MROH9: variants seen among roughly 807,000 people sequenced by gnomAD.
MROH9 encodes maestro heat like repeat family member 9.
Under a neutral mutation model 98.2 loss-of-function variants are expected in MROH9, and 92 were observed. The observed-to-expected ratio is 0.94, with a 90% CI of 0.79 to 1.11. The LOEUF is 1.11. Ranked by LOEUF, MROH9 falls within the 50% of genes most tolerant of loss-of-function variation. The pLI is 0.00. For synonymous variants in MROH9, 397 were observed against 368.9 expected (o/e 1.08, Z -0.87); for missense variants, 1,057 against 1,014.8 (o/e 1.04, Z -0.57).
intron 16 of MROH9, chr1:171,015,189 G>T: frequency 2.6e-6 from 1 of 389,352 alleles, no homozygotes; most frequent in Admixed American, 3.0e-5. Context: ...GACACCCGTT[G>T]TGCATTTAGA....
At chr1:170,937,917 C>T (rs1648964057) in intron 1 of MROH9, among the ~76,000 whole-genome samples, 1 of 152,124 alleles carries the variant, frequency 6.6e-6, no homozygotes, top group Admixed American at 6.5e-5. Flanking sequence ...TCTTTACCTG[C>T]TAAAGTGATC....
At chr1:171,053,358 G>T (rs1653731174) in intron 20 of MROH9, among the ~76,000 whole-genome samples, 1 of 152,184 alleles carries the variant, frequency 6.6e-6, no homozygotes, top group African/African-American at 2.4e-5. Context: ...ATCTGTGATG[G>T]ATTCATCCTA....
At chr1:170,948,795 A>T (rs765514481) in intron 3 of MROH9, among the ~76,000 whole-genome samples, 7 of 152,102 alleles carry the variant, frequency 4.6e-5, no homozygotes, top group African/African-American at 1.2e-4. Context: ...TTGAAAGATG[A>T]GTAGAATGCC....
At chr1:171,055,108 C>A (rs1002577139) in intron 20 of MROH9, among the ~76,000 whole-genome samples, 2 of 151,102 alleles carry the variant, frequency 1.3e-5, no homozygotes, top group African/African-American at 4.9e-5. Context: ...ATAAAACTGG[C>A]CTAAATGTCC....
chr1:171,020,507 A>G (rs1046845327), intron 17 of MROH9, among the ~76,000 whole-genome samples: 3 of 152,244 alleles, frequency 2.0e-5, no homozygotes, highest in Admixed American at 1.3e-4. Flanking sequence ...AACCAATGAC[A>G]AAAACCACAT....
At chr1:171,060,709 C>T (rs1392493302) in intron 20 of MROH9, among the ~76,000 whole-genome samples, 1 of 151,994 alleles carries the variant, frequency 6.6e-6, no homozygotes, top group Non-Finnish European at 1.5e-5. Flanking sequence ...TATCTTGACC[C>T]CAACTTCATG....
chr1:171,034,653 G>C (rs1383562996), intron 20 of MROH9, among the ~76,000 whole-genome samples: 1 of 152,054 alleles, frequency 6.6e-6, no homozygotes, highest in Non-Finnish European at 1.5e-5. Context: ...TGATCAACAG[G>C]CTCAGTCCAA....
intron 3 of MROH9, among the ~76,000 whole-genome samples, chr1:170,949,437 C>T (rs993023641): frequency 4.6e-5 from 7 of 151,994 alleles, no homozygotes; most frequent in Admixed American, 1.3e-4. Flanking sequence ...AGTTCCTTTA[C>T]GCTTTGCTAA....
intron 20 of MROH9, among the ~76,000 whole-genome samples, chr1:171,040,716 G>A (rs1181793245): frequency 6.6e-6 from 1 of 152,038 alleles, no homozygotes. Context: ...CACAAAATGG[G>A]TGTGAGTAGT....
At chr1:170,952,990 T>A (rs1649614562) in intron 3 of MROH9, among the ~76,000 whole-genome samples, 1 of 152,080 alleles carries the variant, frequency 6.6e-6, no homozygotes, top group Non-Finnish European at 1.5e-5. Flanking sequence ...TTTTCAAAAA[T>A]GTATTAGCTA....
chr1:171,064,127 C>A lies in MROH9; in HGVS notation c.2373C>A (p.Asp791Glu), dbSNP rs916562577. 1.3e-6 allele frequency: 2 copies of A among 1,549,510 alleles called. No homozygotes were observed. Among genetic ancestry groups the A allele is most frequent in the Admixed American group, 4.0e-5 (2 of 50,488 alleles). ...DVIERLLRDE[D>E]PMIKQLAEIT... Reference sequence around the variant, plus strand: ...TTGAACGACTGCTCCGAGATGAAGACCCTATGATCAAACAGTTGGCTGAAA... The same window carrying A: ...TTGAACGACTGCTCCGAGATGAAGAACCTATGATCAAACAGTTGGCTGAAA... The change falls in exon 22 of 22, where the codon GAC (aspartate) becomes GAA (glutamate). Residue 791 changes from aspartate to glutamate, a missense_variant. Asp to Glu is a conservative substitution (Grantham distance 45, BLOSUM62 2). Coordinates refer to ENST00000367759, the MANE Select transcript of MROH9 (RefSeq NM_001163629.2).
chr1:171,014,367 C>CCTG, intron 16 of MROH9, 113 bp downstream of exon 16: 1 of 941,010 alleles, frequency 1.1e-6, no homozygotes, highest in Non-Finnish European at 1.5e-6. Flanking sequence ...CTCTATATAA[C>CCTG]TAAAACATAT....
At chr1:170,995,988 T>C (rs1391131438) in intron 13 of MROH9, among the ~76,000 whole-genome samples, 2 of 152,170 alleles carry the variant, frequency 1.3e-5, no homozygotes, top group Non-Finnish European at 2.9e-5. Context: ...AGATGTGATA[T>C]ATGGGTTTAT....
intron 3 of MROH9, among the ~76,000 whole-genome samples, chr1:170,957,806 T>TG (rs370074851): frequency 0.061 from 8,992 of 147,506 alleles, 357 homozygotes; most frequent in Middle Eastern, 0.11. Flanking sequence ...TTTTTTTTTT[T>TG]TTTGTTTGTT....
intron 3 of MROH9, among the ~76,000 whole-genome samples, chr1:170,953,586 G>A (rs1018052147): frequency 1.3e-5 from 2 of 151,922 alleles, no homozygotes; most frequent in Non-Finnish European, 2.9e-5. Context: ...AAGTCTTGTA[G>A]CATTGGCCCA....
At chr1:171,055,674 G>T (rs1040411252) in intron 20 of MROH9, among the ~76,000 whole-genome samples, 6 of 150,414 alleles carry the variant, frequency 4.0e-5, no homozygotes, top group Admixed American at 2.6e-4. Context: ...CAGGGGAAAA[G>T]GTGGGAAGGG....
At chr1:171,021,793 A>T (rs1171962858) in intron 17 of MROH9, among the ~76,000 whole-genome samples, 1 of 152,198 alleles carries the variant, frequency 6.6e-6, no homozygotes, top group East Asian at 1.9e-4. Flanking sequence ...AGCAAAAGAA[A>T]CTATTATCAG....
chr1:171,022,597 G>A (rs867255585), intron 17 of MROH9, among the ~76,000 whole-genome samples: 1 of 152,074 alleles, frequency 6.6e-6, no homozygotes, highest in Non-Finnish European at 1.5e-5. Context: ...AGGGCCACTT[G>A]GGGGGTGGGT....
chr1:171,055,233 C>A (rs66516268), intron 20 of MROH9, among the ~76,000 whole-genome samples: 18,356 of 152,140 alleles, frequency 0.12, 1,210 homozygotes, highest in Middle Eastern at 0.22. Context: ...ACTGGAGATC[C>A]TTTTTCTAAG....
Sources: allele counts gnomAD v4.1 joint callset (sites outside exome capture counted in the v4.1 genomes callset), GRCh38; gene constraint gnomAD v4.1.1; transcripts MANE v1.5; gene names NCBI Gene and HGNC (gene_info 2026-07-23, HGNC 2026-07-21).